NUDC: variants seen among roughly 807,000 people sequenced by gnomAD.
The protein encoded by NUDC is nuclear migration protein nudC.
A neutral mutation model predicts 45.0 loss-of-function variants in NUDC; 14 were observed. The observed-to-expected ratio is 0.31, with a 90% CI of 0.21 to 0.49. NUDC has a LOEUF of 0.49. NUDC is among the 20% of genes least tolerant of loss of function. NUDC has a pLI of 0.99. For synonymous variants in NUDC, 153 were observed against 156.7 expected (o/e 0.98, Z 0.17); for missense variants, 323 against 426.2 (o/e 0.76, Z 2.13).
At chr1:26,913,952 T>C in intron 3 of NUDC, 1 of 1,454,738 alleles carries the variant, frequency 6.9e-7, no homozygotes, top group Non-Finnish European at 9.1e-7. Flanking sequence ...GTTAGGGATC[T>C]GCTCTCACTT....
Position 26,913,444 on chromosome 1 carries a change from T to C in NUDC, c.93+2209T>C. On this transcript the variant is annotated intron_variant, in intron 3 of 6. Transcript: ENST00000435827. ...GAGGATGGTCCCTTTCAGGCAGGCA[T>C]ATTCCTTGGGGCTAAGCTCCAGGCT... 1 of 1,614,058 alleles carries C rather than the reference T, an allele frequency of 6.2e-7. No homozygotes were observed. Among genetic ancestry groups the C allele is most frequent in the African/African-American group, 1.3e-5 (1 of 75,004 alleles).
At position 26,913,408 on chromosome 1, in the gene NUDC, C is replaced by T. The variant is rs756837680; in HGVS notation, c.93+2173C>T. 9 of 1,614,072 alleles carry T rather than the reference C, an allele frequency of 5.6e-6. No individual in the cohort carries two copies. In the South Asian group the frequency reaches 9.9e-5, roughly 18 times the overall value. ...CCACCCAGGAGTGTCTGGGAGCTCA[C>T]CGGGGTTGAAGAGGATGGTCCCTTT... is the stretch of plus-strand genomic sequence containing the variant. On this transcript the variant is annotated intron_variant, in intron 3 of 6. Transcript: ENST00000435827.
At chr1:26,942,538 G>A in intron 4 of NUDC, 122 bp from the exon 5 acceptor site, 1 of 1,433,388 alleles carries the variant, frequency 7.0e-7, no homozygotes, top group African/African-American at 1.4e-5. Context: ...GAGTGGGCAG[G>A]GACCAGGTCT....
At chr1:26,904,136 A>G (rs1189184963) in intron 2 of NUDC, among the ~76,000 whole-genome samples, 1 of 149,410 alleles carries the variant, frequency 6.7e-6, no homozygotes, top group African/African-American at 2.4e-5. Context: ...ATCTAGGTTT[A>G]AACCCACATC....
chr1:26,944,821 A>C (rs1348461759), intron 6 of NUDC, among the ~76,000 whole-genome samples: 2 of 151,488 alleles, frequency 1.3e-5, no homozygotes, highest in Non-Finnish European at 2.9e-5. Flanking sequence ...CAGGCAGATC[A>C]TCTGAGGTCA....
rs190758236 is a variant in NUDC at position 26,925,279 on chromosome 1, G to A, written c.159+1113G>A. Among the ~76,000 whole-genome samples the A allele has an allele frequency of 1.1e-3, 165 of 151,382 alleles. 1 individual carries two copies. The highest frequency in any genetic ancestry group is 6.8e-3 in the Middle Eastern group (2 of 294). On this transcript the variant is annotated intron_variant, in intron 2 of 8. Transcript: ENST00000321265. ...TAGAAGGCCGGGCGCGGTGGCTCACGCCTGTAATCCCAGCACTTTGGGAGG... is the reference window on the plus strand; with the variant it reads ...TAGAAGGCCGGGCGCGGTGGCTCACACCTGTAATCCCAGCACTTTGGGAGG...
chr1:26,932,886 T>G (rs2082194943), intron 2 of NUDC, among the ~76,000 whole-genome samples: 1 of 152,210 alleles, frequency 6.6e-6, no homozygotes. Flanking sequence ...TGTCCACAGA[T>G]TTATCCACAT....
chr1:26,904,998 G>A (rs893595650), intron 2 of NUDC, among the ~76,000 whole-genome samples: 25 of 150,406 alleles, frequency 1.7e-4, no homozygotes, highest in Admixed American at 2.7e-4. Flanking sequence ...CACCACGCCC[G>A]GCTAATTTTT....
At chr1:26,902,028 C>T (rs767038291) in intron 1 of NUDC, among the ~76,000 whole-genome samples, 2 of 152,152 alleles carry the variant, frequency 1.3e-5, no homozygotes, top group Non-Finnish European at 2.9e-5. Flanking sequence ...TTTACCCAAG[C>T]CCTGTGATCC....
intron 2 of NUDC, among the ~76,000 whole-genome samples, chr1:26,910,537 T>G (rs1358981771): frequency 6.6e-6 from 1 of 152,148 alleles, no homozygotes; most frequent in Non-Finnish European, 1.5e-5. Flanking sequence ...TATCCCCAAG[T>G]GAATGGCCTC....
chr1:26,931,451 C>T (rs1223668525), intron 2 of NUDC, among the ~76,000 whole-genome samples: 5 of 130,732 alleles, frequency 3.8e-5, no homozygotes, highest in African/African-American at 1.2e-4. Context: ...GGCACCATTT[C>T]GGCTCACTGC....
At chr1:26,915,952 C>T (rs1338946999) in intron 3 of NUDC, among the ~76,000 whole-genome samples, 15 of 152,152 alleles carry the variant, frequency 9.9e-5, no homozygotes, top group Admixed American at 9.8e-4. Flanking sequence ...TCCTGCTTCA[C>T]TTAGCTGAGT....
At chr1:26,914,555 G>A (rs1038626885) in intron 3 of NUDC, among the ~76,000 whole-genome samples, 5 of 152,184 alleles carry the variant, frequency 3.3e-5, no homozygotes, top group African/African-American at 1.2e-4. Flanking sequence ...CTCCTCCTCT[G>A]ATTCCAGTTC....
At chr1:26,939,760 A>G (rs1356810262) in intron 2 of NUDC, among the ~76,000 whole-genome samples, 2 of 152,220 alleles carry the variant, frequency 1.3e-5, no homozygotes, top group Non-Finnish European at 2.9e-5. Flanking sequence ...GCCATACCCC[A>G]GAATTTCTGA....
At position 26,942,767 on chromosome 1, in the gene NUDC, G is replaced by A. The variant is rs765242799; in HGVS notation, c.537G>A (p.Ser179=). 16 of 1,614,204 alleles carry A rather than the reference G, an allele frequency of 9.9e-6. 1 individual carries two copies. The highest frequency in any genetic ancestry group is 5.5e-5 in the South Asian group (5 of 91,076). The part of the protein sequence containing the change: ...LPNYRWTQTL[S]ELDLAVPFCV... ...ATTACCGCTGGACCCAGACCCTGTC[G>A]GAGCTGGACGTGAGTGTCAGGGACC... Residue 179 remains serine (S), a synonymous_variant, in exon 5 of 9, where the codon TCG becomes TCA. Transcript: ENST00000321265.
rs537966346 is a variant in NUDC at position 26,942,946 on chromosome 1, C to T, written c.622C>T (p.Arg208Trp). The T allele has an allele frequency of 1.1e-5, 18 of 1,614,064 alleles. No homozygotes were observed. Among genetic ancestry groups the T allele is most frequent in the African/African-American group, 4.0e-5 (3 of 75,016 alleles). The stretch of plus-strand genomic sequence containing the variant: ...GGTGGACATCCAGCGGCGGCACCTC[C>T]GGGTGGGGCTCAAGGGGCAGCCAGC... ...MVVDIQRRHL[R>W]VGLKGQPAII... Residue 208 changes from arginine (R) to tryptophan (W), a missense_variant, in exon 6 of 9, where the codon CGG becomes TGG. Physicochemically the swap from Arg to Trp is moderately radical, Grantham distance 101. Transcript: ENST00000321265.
chr1:26,939,704 G>T (rs1405554145), intron 2 of NUDC, among the ~76,000 whole-genome samples: 1 of 152,164 alleles, frequency 6.6e-6, no homozygotes, highest in African/African-American at 2.4e-5. Flanking sequence ...TTTGAAGTAT[G>T]CATGGAAATT....
upstream of NUDC, among the ~76,000 whole-genome samples, chr1:26,919,796 T>C (rs1479957057): frequency 6.6e-6 from 1 of 152,158 alleles, no homozygotes; most frequent in African/African-American, 2.4e-5. Context: ...GAAAGTGAGA[T>C]AGAGTGGGAA....
In NUDC at chr1:26,902,640, G is replaced by A. The variant is rs142158840; in HGVS notation, c.-16+274G>A. 8.6e-5 allele frequency among the ~76,000 whole-genome samples: 13 copies of A among 151,966 alleles called. No individual in the cohort carries two copies. In the South Asian group the frequency reaches 1.0e-3, roughly 12 times the overall value. On this transcript the variant is annotated intron_variant, in intron 2 of 6. Coordinates refer to the NUDC transcript ENST00000435827. ...TAACTCACACCTGTAATCTTAGCAC[G>A]TCGGGAGGTTGAGGTCGGAGGATCA...
Sources: gnomAD v4.1 joint callset for allele counts (sites outside exome capture counted in the v4.1 genomes callset) on GRCh38, gnomAD v4.1.1 for gene constraint, MANE v1.5 for transcripts, NCBI Gene and HGNC (gene_info 2026-07-23, HGNC 2026-07-21) for gene names.